Variants in DRAXIN observed in about 807,000 individuals in gnomAD.
The protein encoded by DRAXIN is dorsal repulsive axon guidance protein.
DRAXIN carries 27 observed loss-of-function variants against 33.9 expected under a neutral mutation model. The observed-to-expected ratio is 0.80, with a 90% confidence interval of 0.59 to 1.10. DRAXIN has a LOEUF of 1.10. Ranked by LOEUF, DRAXIN falls within the 50% of genes least tolerant of loss-of-function variation. The probability of loss-of-function intolerance (pLI) is 0.00; values close to 1 mark genes in which losing one functional copy is unlikely to be tolerated. For missense variants in DRAXIN, 371 were observed against 460.8 expected, an observed-to-expected ratio of 0.81 and a Z score of 1.78; for synonymous variants, 178 against 194.0, an observed-to-expected ratio of 0.92 and a Z score of 0.69.
rs1641359286 is a variant in DRAXIN at position 11,705,184 on chromosome 1, T to C, written c.-10-1065T>C. 6.6e-6 allele frequency among the ~76,000 whole-genome samples: 1 copy of C among 152,150 alleles called. No homozygotes were observed. Among genetic ancestry groups the C allele is most frequent in the Admixed American group, 6.5e-5 (1 of 15,276 alleles). Reference sequence around the variant, plus strand: ...CACCCTTGCCAGCCTAGTGGAATACTCGGGAGGCCATAAAAATTCAATTAG... The same window carrying C: ...CACCCTTGCCAGCCTAGTGGAATACCCGGGAGGCCATAAAAATTCAATTAG... On this transcript the variant is annotated intron_variant, in intron 1 of 6. Coordinates refer to ENST00000294485, the MANE Select transcript of DRAXIN (RefSeq NM_198545.4). This position sits in a 1 kb window ranked among gnomAD's most constrained non-coding sequence, Gnocchi z 4.8.
At chr1:11,716,858 C>G (rs74657824) in intron 6 of DRAXIN, among the ~76,000 whole-genome samples, 3 of 152,124 alleles carry the variant, frequency 2.0e-5, no homozygotes, top group Non-Finnish European at 2.9e-5. Flanking sequence ...GCACCTACTG[C>G]GTATCAGACA....
At chr1:11,711,573 T>C (rs1030357397) in intron 3 of DRAXIN, among the ~76,000 whole-genome samples, 2 of 152,220 alleles carry the variant, frequency 1.3e-5, no homozygotes, top group African/African-American at 4.8e-5. Context: ...GCAGGTGGTC[T>C]CTGCCCCTCC....
rs1570312953 is a variant in DRAXIN at position 11,706,247 on chromosome 1, A to G, written c.-10-2A>G. Reference sequence around the variant, plus strand: ...GCATTCATGGTGTTGCTCTTCTTGCAGGGAGGAGCCAATGGCTGGGCCTGC... The same window carrying G: ...GCATTCATGGTGTTGCTCTTCTTGCGGGGAGGAGCCAATGGCTGGGCCTGC... On this transcript the variant is annotated splice_acceptor_variant, in intron 1 of 6. Transcript: ENST00000294485. LOFTEE classifies it low-confidence loss of function (5UTR_SPLICE). The surrounding 1 kb of genome is among the most constrained non-coding windows in gnomAD (Gnocchi z 5.5). 1 of 1,571,118 alleles carries G rather than the reference A, an allele frequency of 6.4e-7. No homozygotes were observed.
upstream of DRAXIN, among the ~76,000 whole-genome samples, chr1:11,689,148 T>C (rs1441682243): frequency 1.3e-5 from 2 of 151,418 alleles, no homozygotes; most frequent in Non-Finnish European, 2.9e-5. Flanking sequence ...ATACAAAAAA[T>C]TAGCTGAGCA....
At position 11,696,383 on chromosome 1, in the gene DRAXIN, C is replaced by T. The variant is rs1034678275; in HGVS notation, c.-11+4530C>T. On this transcript the variant is annotated intron_variant, in intron 1 of 6. Transcript: ENST00000294485. The surrounding 1 kb of genome is among the most constrained non-coding windows in gnomAD (Gnocchi z 4.7). ...CAGGCGGATCATGAGGTCAGGAGTT[C>T]GAGACCAGCCTGGCCAAGGTGGTAA... Among the ~76,000 whole-genome samples the T allele has an allele frequency of 2.6e-5, 4 of 152,224 alleles. No homozygotes were observed. The highest frequency in any genetic ancestry group is 2.1e-4 in the South Asian group (1 of 4,816).
At chr1:11,710,527 C>T (rs1284733130) in intron 3 of DRAXIN, among the ~76,000 whole-genome samples, 3 of 150,654 alleles carry the variant, frequency 2.0e-5, no homozygotes, top group African/African-American at 4.9e-5. Context: ...AGAAAGTAAG[C>T]GGCAAATGTG....
intron 1 of DRAXIN, among the ~76,000 whole-genome samples, chr1:11,702,315 C>T (rs940403433): frequency 3.3e-5 from 5 of 151,080 alleles, no homozygotes; most frequent in African/African-American, 4.9e-5. Flanking sequence ...CACACACACA[C>T]GCTCACGCAC....
chr1:11,692,564 T>C lies in DRAXIN; in HGVS notation c.-11+711T>C, dbSNP rs1310103863. Among the ~76,000 whole-genome samples the C allele has an allele frequency of 1.3e-5, 2 of 152,162 alleles. No individual in the cohort carries two copies. Among genetic ancestry groups the C allele is most frequent in the Non-Finnish European group, 2.9e-5 (2 of 68,028 alleles). The stretch of plus-strand genomic sequence containing the variant: ...CGGCTTTTGGCTTTTCTCCGTCCGC[T>C]CGTCAAGGGTCTCAGCCGCCTTCGG... On this transcript the variant is annotated intron_variant, in intron 1 of 6. Coordinates refer to ENST00000294485, the MANE Select transcript of DRAXIN (RefSeq NM_198545.4). The surrounding 1 kb of genome is among the most constrained non-coding windows in gnomAD (Gnocchi z 5.8).
intron 5 of DRAXIN, 81 bp from the exon 6 acceptor site, chr1:11,715,038 C>G (rs1457760985): frequency 2.6e-6 from 4 of 1,527,484 alleles, no homozygotes; most frequent in Non-Finnish European, 3.6e-6. Flanking sequence ...TGATGGATCT[C>G]TTGTCCAGTG....
intron 2 of DRAXIN, 106 bp from the exon 3 acceptor site, chr1:11,709,169 A>G (rs1641435798): frequency 1.7e-6 from 2 of 1,211,800 alleles, no homozygotes; most frequent in Non-Finnish European, 1.1e-6. Context: ...CTTGTCACAC[A>G]GTGCCTGCTG....
chr1:11,712,459 C>T, intron 5 of DRAXIN, 30 bp downstream of exon 5: 1 of 1,613,360 alleles, frequency 6.2e-7, no homozygotes, highest in Non-Finnish European at 8.5e-7. Flanking sequence ...TTCAAGGCAC[C>T]AGGCTGGGTA....
chr1:11,696,316 G>A lies in DRAXIN; in HGVS notation c.-11+4463G>A, dbSNP rs1211137363. ...AAACATTTACTCCCCAGCCGGGTGCGGTGGCTCACGCCTGTAATCCCAGCA... is the reference window on the plus strand; with the variant it reads ...AAACATTTACTCCCCAGCCGGGTGCAGTGGCTCACGCCTGTAATCCCAGCA... On this transcript the variant is annotated intron_variant, in intron 1 of 6. Transcript: ENST00000294485. This position sits in a 1 kb window ranked among gnomAD's most constrained non-coding sequence, Gnocchi z 4.7. 3.3e-5 allele frequency among the ~76,000 whole-genome samples: 5 copies of A among 152,176 alleles called. No homozygotes were observed. Among genetic ancestry groups the A allele is most frequent in the South Asian group, 2.1e-4 (1 of 4,834 alleles).
At chr1:11,695,992 A>G (rs1196456058) in intron 1 of DRAXIN, among the ~76,000 whole-genome samples, 2 of 152,150 alleles carry the variant, frequency 1.3e-5, no homozygotes, top group African/African-American at 4.8e-5. Flanking sequence ...CTGCTGTCGG[A>G]AACAATAAAA....
intron 1 of DRAXIN, among the ~76,000 whole-genome samples, chr1:11,700,836 T>C (rs566500720): frequency 2.6e-5 from 4 of 152,106 alleles, no homozygotes; most frequent in African/African-American, 4.8e-5. Flanking sequence ...CCCAACCCAC[T>C]ATGCAACAGG....
upstream of DRAXIN, among the ~76,000 whole-genome samples, chr1:11,689,709 C>T (rs1375359077): frequency 6.6e-6 from 1 of 152,200 alleles, no homozygotes; most frequent in Non-Finnish European, 1.5e-5. Context: ...TGGTGCTGTG[C>T]TGTCTATGGA....
intron 6 of DRAXIN, among the ~76,000 whole-genome samples, chr1:11,717,117 T>G (rs2100744082): frequency 6.6e-6 from 1 of 151,710 alleles, no homozygotes; most frequent in East Asian, 1.9e-4. Flanking sequence ...ACCCTGTCTC[T>G]ACTAAAAATA....
chr1:11,706,930 G>A lies in DRAXIN; in HGVS notation c.451+221G>A, dbSNP rs1220004092. 6.6e-6 allele frequency among the ~76,000 whole-genome samples: 1 copy of A among 152,140 alleles called. No homozygotes were observed. The highest frequency in any genetic ancestry group is 2.1e-4 in the South Asian group (1 of 4,822). ...GTGTTGCAATACAATCTGTCTTATC[G>A]CGGCCCGGTGCCGTGGCTCACGCTT... On this transcript the variant is annotated intron_variant, in intron 2 of 6. Coordinates refer to ENST00000294485, the MANE Select transcript of DRAXIN (RefSeq NM_198545.4). The surrounding 1 kb of genome is among the most constrained non-coding windows in gnomAD (Gnocchi z 5.5).
rs188652673 is a variant in DRAXIN at position 11,694,340 on chromosome 1, C to T, written c.-11+2487C>T. On this transcript the variant is annotated intron_variant, in intron 1 of 6. Coordinates refer to ENST00000294485, the MANE Select transcript of DRAXIN (RefSeq NM_198545.4). This position sits in a 1 kb window ranked among gnomAD's most constrained non-coding sequence, Gnocchi z 4.9. Reference sequence around the variant, plus strand: ...CTGGGTCCTGCTGGTGGGGCCAGGGCGGAGCTGGCCCTCTGGCTGGGGAGG... The same window carrying T: ...CTGGGTCCTGCTGGTGGGGCCAGGGTGGAGCTGGCCCTCTGGCTGGGGAGG... 1.3e-3 allele frequency among the ~76,000 whole-genome samples: 196 copies of T among 152,142 alleles called. 2 individuals carry two copies. Among genetic ancestry groups the T allele is most frequent in the South Asian group, 0.011 (52 of 4,810 alleles).
intron 6 of DRAXIN, among the ~76,000 whole-genome samples, chr1:11,716,279 CTG>C (rs758870135): frequency 7.9e-5 from 12 of 152,248 alleles, no homozygotes; most frequent in Non-Finnish European, 1.6e-4. Context: ...CACGGCCAAT[CTG>C]TGTCTATCAT....
Sources: allele counts gnomAD v4.1 joint callset (sites outside exome capture counted in the v4.1 genomes callset), GRCh38; gene constraint gnomAD v4.1.1; non-coding constraint Gnocchi (gnomAD v3.1); transcripts MANE v1.5; gene names NCBI Gene and HGNC (gene_info 2026-07-23, HGNC 2026-07-21).